ANKLE2: variants seen among roughly 807,000 people sequenced by gnomAD.
The protein encoded by ANKLE2 is ankyrin repeat and LEM domain-containing protein 2.
In ANKLE2, 55 loss-of-function variants were observed where a neutral mutation model predicts 84.2. That is an observed-to-expected ratio of 0.65 (90% CI 0.53 to 0.82). ANKLE2 has a LOEUF of 0.82. ANKLE2 is among the 40% of genes least tolerant of loss of function. ANKLE2 has a pLI of 0.00. For synonymous variants in ANKLE2, 551 were observed against 486.1 expected (o/e 1.13, Z -1.76); for missense variants, 1,238 against 1,201.9 (o/e 1.03, Z -0.44).
At chr12:132,732,148 G>A (rs1203360124) in intron 10 of ANKLE2, 2 of 144,572 alleles carry the variant, frequency 1.4e-5, no homozygotes, top group Admixed American at 6.9e-5. Context: ...TACACCGTGT[G>A]AAGCGCTCTG....
At chr12:132,740,252 A>G (rs2044094673) in intron 7 of ANKLE2, among the ~76,000 whole-genome samples, 1 of 152,256 alleles carries the variant, frequency 6.6e-6, no homozygotes, top group South Asian at 2.1e-4. Flanking sequence ...TCCTGTGCAC[A>G]GCTACACACA....
chr12:132,727,153 G>C lies in ANKLE2; in HGVS notation c.*89C>G. Reference sequence around the variant, plus strand: ...AAAGTGAGGAGTAATAATTTAATCAGAATATATTCCTTTTTGACAGTTTAG... The same window carrying C: ...AAAGTGAGGAGTAATAATTTAATCACAATATATTCCTTTTTGACAGTTTAG... On this transcript the variant is annotated 3_prime_UTR_variant, in exon 13 of 13. Coordinates refer to ENST00000357997, the MANE Select transcript of ANKLE2 (RefSeq NM_015114.3). 7.6e-7 allele frequency: 1 copy of C among 1,322,482 alleles called. No individual in the cohort carries two copies. Among genetic ancestry groups the C allele is most frequent in the East Asian group, 2.5e-5 (1 of 39,386 alleles). 81.9% of individuals were successfully genotyped at this position (1,322,482 alleles called of 1,614,324 possible).
chr12:132,740,113 C>CTGAA (rs2044091245), intron 7 of ANKLE2, among the ~76,000 whole-genome samples: 1 of 152,246 alleles, frequency 6.6e-6, no homozygotes, highest in Non-Finnish European at 1.5e-5. Context: ...ACTCTCGGCT[C>CTGAA]TTCAGGGATG....
intron 10 of ANKLE2, chr12:132,734,118 G>A (rs546054567): frequency 1.8e-5 from 10 of 551,370 alleles, no homozygotes; most frequent in East Asian, 8.5e-5. Flanking sequence ...GGTGGCGGGC[G>A]CCTGTAGTCC....
intron 9 of ANKLE2, 104 bp from the exon 10 acceptor site, chr12:132,734,679 C>A: frequency 1.7e-6 from 2 of 1,149,710 alleles, no homozygotes; most frequent in East Asian, 2.5e-5. Context: ...GCAATGTCTG[C>A]AATCATGGTT....
chr12:132,738,336 G>A (rs915628065), intron 7 of ANKLE2: 2 of 152,250 alleles, frequency 1.3e-5, no homozygotes, highest in Non-Finnish European at 2.9e-5. Flanking sequence ...GGTCCCACGG[G>A]ACAGCGCAGT....
rs183376287 is a variant in ANKLE2, at chr12:132,736,527, G to A, written c.1593+366C>T. Reference sequence around the variant, plus strand: ...GTGGTCAGGAGGTGGACGTGCAGATGGAGCTTTCCTAGTCACAACGGGCAG... The same window carrying A: ...GTGGTCAGGAGGTGGACGTGCAGATAGAGCTTTCCTAGTCACAACGGGCAG... On this transcript the variant is annotated intron_variant, in intron 8 of 12. Coordinates refer to ENST00000357997, the MANE Select transcript of ANKLE2 (RefSeq NM_015114.3). Among the ~76,000 whole-genome samples, 435 of 152,168 alleles carry A rather than the reference G, an allele frequency of 2.9e-3. 5 individuals carry two copies. Among genetic ancestry groups the A allele is most frequent in the African/African-American group, 0.01 (416 of 41,474 alleles).
intron 5 of ANKLE2, chr12:132,745,080 G>C (rs1226823070): frequency 6.6e-6 from 1 of 152,578 alleles, no homozygotes; most frequent in Non-Finnish European, 1.5e-5. Context: ...CAACCCTGCT[G>C]CTGCCTGCTC....
At chr12:132,737,157 C>T in intron 7 of ANKLE2, 92 bp from the exon 8 acceptor site, 2 of 1,397,346 alleles carry the variant, frequency 1.4e-6, no homozygotes, top group South Asian at 1.4e-5. Context: ...GAGCCCTTGC[C>T]AAGGCCTCTG....
chr12:132,742,903 G>T (rs1380172293), intron 6 of ANKLE2, among the ~76,000 whole-genome samples: 1 of 119,868 alleles, frequency 8.3e-6, no homozygotes, highest in African/African-American at 3.1e-5. Context: ...GCTGTTCAAA[G>T]CAACTGACTG....
chr12:132,751,587 G>A (rs1156845044), intron 2 of ANKLE2, among the ~76,000 whole-genome samples: 1 of 149,484 alleles, frequency 6.7e-6, no homozygotes, highest in Admixed American at 6.7e-5. Flanking sequence ...CAGCTGCCGA[G>A]GCTGGAGTGC....
rs1566042074 is a variant in ANKLE2 at position 132,759,202 on chromosome 12, TCA to T, written c.181+2414_181+2415del. 5.6e-4 allele frequency: 31 copies of T among 54,876 alleles called. 3 individuals carry two copies. Among genetic ancestry groups the T allele is most frequent in the South Asian group, 1.6e-3 (2 of 1,278 alleles). The allele number at this position is 54,876 out of a possible 1,614,324, so 3.4% of individuals were successfully genotyped here. ...CGGGGCACCCACGTGGCAGAGTGGA[TCA>T]TGCAGAGTGGCACCCCGGGGCACCC... On this transcript the variant is annotated intron_variant, in intron 1 of 12. Transcript: ENST00000357997.
chr12:132,727,794 C>T (rs1444873897), intron 12 of ANKLE2, among the ~76,000 whole-genome samples: 1 of 151,984 alleles, frequency 6.6e-6, no homozygotes, highest in Non-Finnish European at 1.5e-5. Context: ...GAGTAGAAAC[C>T]CTGCTGCTTC....
Position 132,747,842 on chromosome 12 carries a change from G to C in ANKLE2, c.1220C>G (p.Pro407Arg), listed in dbSNP as rs1181322559. The part of the protein sequence containing the change: ...RYVVDLYLNT[P>R]DKMGYDTPLH... The stretch of plus-strand genomic sequence containing the variant: ...AGGGTGTGCACGCACCATCTTGTCG[G>C]GGGTGTTGAGGTACAGGTCCACCAC... Residue 407 changes from proline to arginine, a missense_variant, in exon 5 of 13, where the codon CCC (proline) becomes CGC (arginine). Physicochemically the swap from Pro to Arg is moderately radical, Grantham distance 103 (BLOSUM62 -2). Coordinates refer to ENST00000357997, the MANE Select transcript of ANKLE2 (RefSeq NM_015114.3). The C allele has an allele frequency of 6.2e-7, 1 of 1,601,480 alleles. No homozygotes were observed. The highest frequency in any genetic ancestry group is 8.5e-7 in the Non-Finnish European group (1 of 1,176,992).
chr12:132,733,125 C>A (rs1344742013), intron 10 of ANKLE2, among the ~76,000 whole-genome samples: 1 of 135,134 alleles, frequency 7.4e-6, no homozygotes, highest in Non-Finnish European at 1.6e-5. Flanking sequence ...TGATATGCAC[C>A]GTGTGAAGCA....
Position 132,743,398 on chromosome 12 carries a change from G to C in ANKLE2, c.1231-122C>G, listed in dbSNP as rs2044170489. ...ATTTATTTTGAGACGGAGTCTCACT[G>C]GCGTGATCTTGGCTCACTGCAACCT... On this transcript the variant is annotated intron_variant, in intron 5 of 12. Coordinates refer to ENST00000357997, the MANE Select transcript of ANKLE2 (RefSeq NM_015114.3). The surrounding 1 kb of genome is among the most constrained non-coding windows in gnomAD (Gnocchi z 4.1). 1 of 1,264,720 alleles carries C rather than the reference G, an allele frequency of 7.9e-7. No homozygotes were observed. The highest frequency in any genetic ancestry group is 1.5e-5 in the African/African-American group (1 of 64,976). 78.3% of individuals were successfully genotyped at this position (1,264,720 alleles called of 1,614,324 possible).
In ANKLE2 at chr12:132,725,805, T is replaced by C. The variant is rs1161364413; in HGVS notation, c.*1437A>G. 2.6e-5 allele frequency: 4 copies of C among 152,248 alleles called. No homozygotes were observed. The highest frequency in any genetic ancestry group is 4.4e-5 in the Non-Finnish European group (3 of 68,040). 9.4% of individuals were successfully genotyped at this position (152,248 alleles called of 1,614,324 possible). ...TTGAGAACCAAGGTGCCTTTTAAAA[T>C]GCGGCTTTTTAGAATAGCATGTGTT... On this transcript the variant is annotated 3_prime_UTR_variant, in exon 13 of 13. Coordinates refer to ENST00000357997, the MANE Select transcript of ANKLE2 (RefSeq NM_015114.3).
chr12:132,730,307 C>T lies in ANKLE2; in HGVS notation c.1892-37G>A, dbSNP rs143540124. On this transcript the variant is annotated intron_variant, in intron 10 of 12. Coordinates refer to ENST00000357997, the MANE Select transcript of ANKLE2 (RefSeq NM_015114.3). ...ACAAGGAGCACTTCAGTGATGGGAA[C>T]GACAGGAAGCCACGGAGCTGCTCCG... 177 of 1,508,182 alleles carry T rather than the reference C, an allele frequency of 1.2e-4. 1 individual carries two copies. The African/African-American group carries it at 1.7e-3, about 15-fold the overall frequency. The allele number at this position is 1,508,182 out of a possible 1,614,324, so 93.4% of individuals were successfully genotyped here.
rs7132253 is a variant in ANKLE2 at position 132,737,203 on chromosome 12, C to G, written c.1421-138G>C. ...CAACAGACGGGGCAGAGGGTGGTTT[C>G]CGCCAGAGCTCACTGCACTTAATGC... On this transcript the variant is annotated intron_variant, in intron 7 of 12. Coordinates refer to ENST00000357997, the MANE Select transcript of ANKLE2 (RefSeq NM_015114.3). 0.63 allele frequency: 552,727 copies of G among 878,622 alleles called. 175,208 individuals carry two copies. The highest frequency in any genetic ancestry group is 0.82 in the East Asian group (29,616 of 35,996). 54.4% of individuals were successfully genotyped at this position (878,622 alleles called of 1,614,324 possible).
Sources: gnomAD v4.1 joint callset for allele counts (sites outside exome capture counted in the v4.1 genomes callset) on GRCh38, gnomAD v4.1.1 for gene constraint, Gnocchi (gnomAD v3.1) non-coding constraint, MANE v1.5 for transcripts, NCBI Gene and HGNC (gene_info 2026-07-23, HGNC 2026-07-21) for gene names.